SNX1: variants seen among roughly 807,000 people sequenced by gnomAD.
SNX1 encodes sorting nexin-1.
A neutral mutation model predicts 71.8 loss-of-function variants in SNX1; 36 were observed. That is an observed-to-expected ratio of 0.50 (90% CI 0.38 to 0.66). The LOEUF is 0.66. SNX1 is among the 30% of genes least tolerant of loss of function. The probability of loss-of-function intolerance (pLI) is 0.00; values close to 1 mark genes in which losing one functional copy is unlikely to be tolerated. For synonymous variants in SNX1, 254 were observed against 240.7 expected (o/e 1.06, Z -0.51); for missense variants, 612 against 646.7 (o/e 0.95, Z 0.58).
intron 1 of SNX1, among the ~76,000 whole-genome samples, chr15:64,104,329 G>A (rs1453664606): frequency 7.0e-6 from 1 of 143,830 alleles, no homozygotes; most frequent in East Asian, 2.1e-4. Context: ...CTGGAGTGCA[G>A]TGGCGCGATT....
chr15:64,112,685 G>T lies in SNX1; in HGVS notation c.271+1G>T. On this transcript the variant is annotated splice_donor_variant, in intron 2 of 14. Coordinates refer to ENST00000559844, the MANE Select transcript of SNX1 (RefSeq NM_003099.5). LOFTEE classifies it high-confidence loss of function. ...CAAGAGCCACAGGATCTCTTTGCAG[G>T]CAAGTTTGGACTCAAAAGTTACTCT... The T allele has an allele frequency of 1.2e-6, 2 of 1,604,650 alleles. No homozygotes were observed. Among genetic ancestry groups the T allele is most frequent in the Non-Finnish European group, 1.7e-6 (2 of 1,173,274 alleles).
chr15:64,138,155 A>G lies in SNX1; in HGVS notation c.*537A>G. 6.5e-7 allele frequency: 1 copy of G among 1,535,610 alleles called. No individual in the cohort carries two copies. The highest frequency in any genetic ancestry group is 8.7e-7 in the Non-Finnish European group (1 of 1,146,864). ...TTTGTGCTGCTGCTTCCCTCTGGAA[A>G]TGGGGTTTCTTTCTCTCCGCCTACC... On this transcript the variant is annotated 3_prime_UTR_variant, in exon 15 of 15. Coordinates refer to ENST00000559844, the MANE Select transcript of SNX1 (RefSeq NM_003099.5).
chr15:64,136,241 C>G, intron 12 of SNX1, 89 bp from the exon 13 acceptor site: 1 of 949,796 alleles, frequency 1.1e-6, no homozygotes, highest in Non-Finnish European at 1.7e-6. Flanking sequence ...ATCAATTGAG[C>G]CCTCATATGT....
At position 64,096,114 on chromosome 15, in the gene SNX1, C is replaced by A. The variant is rs769183939; in HGVS notation, c.101C>A (p.Pro34His). Residue 34 changes from proline (P) to histidine (H), a missense_variant, in exon 1 of 15, where the codon CCC becomes CAC. Pro to His is a moderately conservative substitution (Grantham distance 77). Coordinates refer to ENST00000559844, the MANE Select transcript of SNX1 (RefSeq NM_003099.5). ...ESEGAAGGSE[P>H]EAGDSDTEGE... ...GAGGGGGCGGCCGGGGGATCAGAAC[C>A]CGAGGCTGGGGACAGCGACACCGAG... is the stretch of plus-strand genomic sequence containing the variant. 10 of 1,561,082 alleles carry A rather than the reference C, an allele frequency of 6.4e-6. No homozygotes were observed. The Admixed American group carries it at 1.2e-4, about 18-fold the overall frequency.
intron 10 of SNX1, 71 bp downstream of exon 10, chr15:64,130,392 A>G (rs1384342067): frequency 2.5e-6 from 3 of 1,218,958 alleles, no homozygotes; most frequent in Non-Finnish European, 2.4e-6. Flanking sequence ...ATGCGAGGGC[A>G]TGCTGTTCCA....
intron 2 of SNX1, among the ~76,000 whole-genome samples, chr15:64,113,463 C>T (rs1388293546): frequency 6.6e-6 from 1 of 152,072 alleles, no homozygotes; most frequent in Non-Finnish European, 1.5e-5. Context: ...AGGACAGGCC[C>T]TCACAACAAG....
chr15:64,126,047 G>C, intron 5 of SNX1, 32 bp from the exon 6 acceptor site: 1 of 1,613,262 alleles, frequency 6.2e-7, no homozygotes, highest in African/African-American at 1.3e-5. Flanking sequence ...TATTTGGAAT[G>C]AAATTGCCTT....
chr15:64,134,838 T>C lies in SNX1; in HGVS notation c.1365+31T>C. 4 of 1,611,612 alleles carry C rather than the reference T, an allele frequency of 2.5e-6. No individual in the cohort carries two copies. Among genetic ancestry groups the C allele is most frequent in the Non-Finnish European group, 3.4e-6 (4 of 1,179,118 alleles). On this transcript the variant is annotated intron_variant, in intron 12 of 14. Coordinates refer to ENST00000559844, the MANE Select transcript of SNX1 (RefSeq NM_003099.5). This position sits in a 1 kb window ranked among gnomAD's most constrained non-coding sequence, Gnocchi z 4.1. ...TCCACTGAGGCAGCCCAGCCAGGGG[T>C]GTTCTGCTGGTTCCAAATGAACCCA...
intron 11 of SNX1, among the ~76,000 whole-genome samples, chr15:64,133,591 G>A (rs541629259): frequency 7.9e-5 from 12 of 152,326 alleles, no homozygotes; most frequent in African/African-American, 2.6e-4. Context: ...TTATCTGGGC[G>A]TGGTGGTGTG....
At chr15:64,127,144 G>T in intron 6 of SNX1, 30 bp from the exon 7 acceptor site, 2 of 1,515,058 alleles carry the variant, frequency 1.3e-6, no homozygotes, top group South Asian at 2.3e-5. Flanking sequence ...GATGATTTAT[G>T]GTTATTTTGC....
intron 1 of SNX1, among the ~76,000 whole-genome samples, chr15:64,103,851 T>C (rs2080989786): frequency 6.6e-6 from 1 of 152,244 alleles, no homozygotes; most frequent in Non-Finnish European, 1.5e-5. Context: ...AGTGAATCTT[T>C]ATAACAGTAT....
chr15:64,106,087 G>A (rs559631494), intron 1 of SNX1, among the ~76,000 whole-genome samples: 2 of 152,216 alleles, frequency 1.3e-5, no homozygotes, highest in South Asian at 2.1e-4. Context: ...GAGCATAAAT[G>A]AGACTTTGAG....
At chr15:64,101,486 A>G (rs903936669) in intron 1 of SNX1, among the ~76,000 whole-genome samples, 9 of 152,238 alleles carry the variant, frequency 5.9e-5, no homozygotes, top group African/African-American at 2.2e-4. Context: ...GAATGTATAT[A>G]GCACATTTTA....
chr15:64,141,312 C>G lies in SNX1; in HGVS notation c.*3694C>G, dbSNP rs1489649861. 1 of 152,246 alleles carries G rather than the reference C, an allele frequency of 6.6e-6. No individual in the cohort carries two copies. Among genetic ancestry groups the G allele is most frequent in the Non-Finnish European group, 1.5e-5 (1 of 68,058 alleles). The allele number at this position is 152,246 out of a possible 1,614,324, so 9.4% of individuals were successfully genotyped here. A position where few individuals can be genotyped will look rare whatever the true frequency, so the allele number is the denominator to read the frequency against. On this transcript the variant is annotated 3_prime_UTR_variant, in exon 15 of 15. Transcript: ENST00000559844. The surrounding 1 kb of genome is among the most constrained non-coding windows in gnomAD (Gnocchi z 5.1). ...TCTCCTCTGGTTTCAGAACTTCCTC[C>G]TCTGCTTCCTGTATCCTGAGGCTGG...
chr15:64,118,219 C>T lies in SNX1; in HGVS notation c.374C>T (p.Ser125Leu), dbSNP rs138423671. The T allele has an allele frequency of 2.7e-5, 44 of 1,613,302 alleles. No homozygotes were observed. The East Asian group carries it at 7.6e-4, about 28-fold the overall frequency. The change falls in exon 3 of 15, where the codon TCG becomes TTG. Residue 125 changes from serine to leucine, a missense_variant. Ser to Leu is a moderately radical substitution (Grantham distance 145). Coordinates refer to ENST00000559844, the MANE Select transcript of SNX1 (RefSeq NM_003099.5). The stretch of plus-strand genomic sequence containing the variant: ...CCTCCTCAGGAAGCCACAAATTCTT[C>T]GAAGCCCCAGCCAACCTATGAGGAG... ...SLPPQEATNS[S>L]KPQPTYEELE...
At chr15:64,102,342 A>G (rs1331010017) in intron 1 of SNX1, among the ~76,000 whole-genome samples, 1 of 151,514 alleles carries the variant, frequency 6.6e-6, no homozygotes, top group African/African-American at 2.4e-5. Flanking sequence ...GTGATGACCA[A>G]ATCAAGGAAT....
chr15:64,142,789 C>CAAAAT lies in SNX1; in HGVS notation c.*5175_*5179dup, dbSNP rs1765333648. The CAAAAT allele has an allele frequency of 2.5e-6, 1 of 395,696 alleles. No homozygotes were observed. Among genetic ancestry groups the CAAAAT allele is most frequent in the Non-Finnish European group, 5.1e-6 (1 of 195,716 alleles). 24.5% of individuals were successfully genotyped at this position (395,696 alleles called of 1,614,324 possible). A position where few individuals can be genotyped will look rare whatever the true frequency, so the allele number is the denominator to read the frequency against. ...AGTATTCAGTGTCAGTACTCAGTGA[C>CAAAAT]AAAATAAATGAGAGAAACGGGAATA... On this transcript the variant is annotated 3_prime_UTR_variant, in exon 15 of 15. Coordinates refer to ENST00000559844, the MANE Select transcript of SNX1 (RefSeq NM_003099.5).
chr15:64,110,952 T>C (rs959963423), intron 1 of SNX1, among the ~76,000 whole-genome samples: 2 of 152,256 alleles, frequency 1.3e-5, no homozygotes, highest in Non-Finnish European at 2.9e-5. Flanking sequence ...AATGGCTAAA[T>C]TCTAACCTAT....
At chr15:64,136,278 T>A in intron 12 of SNX1, 52 bp from the exon 13 acceptor site, 1 of 1,416,858 alleles carries the variant, frequency 7.1e-7, no homozygotes, top group Non-Finnish European at 1.0e-6. Flanking sequence ...TGTGAAGGCT[T>A]AATAATGGTG....
Sources: allele counts gnomAD v4.1 joint callset (sites outside exome capture counted in the v4.1 genomes callset), GRCh38; gene constraint gnomAD v4.1.1; non-coding constraint Gnocchi (gnomAD v3.1); transcripts MANE v1.5; gene names NCBI Gene and HGNC (gene_info 2026-07-23, HGNC 2026-07-21).